GPC6: variants seen among roughly 807,000 people sequenced by gnomAD.
The protein encoded by GPC6 is glypican-6.
A neutral mutation model predicts 55.2 loss-of-function variants in GPC6; 14 were observed. That is an observed-to-expected ratio of 0.25 (90% CI 0.17 to 0.40). GPC6 has a LOEUF of 0.40. Ranked by LOEUF, GPC6 falls within the 10% of genes least tolerant of loss-of-function variation. The pLI is 1.00. For missense variants in GPC6, 641 were observed against 708.5 expected (o/e 0.90, Z 1.08); for synonymous variants, 278 against 259.6 (o/e 1.07, Z -0.68).
chr13:94,109,957 G>A (rs1886182495), intron 4 of GPC6, among the ~76,000 whole-genome samples: 1 of 150,572 alleles, frequency 6.6e-6, no homozygotes, highest in African/African-American at 2.4e-5. Context: ...TGGATATATT[G>A]GGACCTCTTT....
chr13:94,308,720 C>T (rs888740766), intron 6 of GPC6, among the ~76,000 whole-genome samples: 4 of 152,156 alleles, frequency 2.6e-5, no homozygotes, highest in East Asian at 1.9e-4. Flanking sequence ...GAATTAGTGA[C>T]GTGTAATGCA....
At chr13:93,856,136 G>A (rs543691685) in intron 3 of GPC6, among the ~76,000 whole-genome samples, 2 of 151,520 alleles carry the variant, frequency 1.3e-5, no homozygotes, top group African/African-American at 2.4e-5. Flanking sequence ...TTCTTGCACT[G>A]CCATCTCAGT....
intron 4 of GPC6, among the ~76,000 whole-genome samples, chr13:94,251,368 A>G (rs927449100): frequency 3.9e-5 from 6 of 151,904 alleles, no homozygotes; most frequent in Non-Finnish European, 8.8e-5. Context: ...CTTAAAACCT[A>G]GATGACGGGT....
intron 4 of GPC6, among the ~76,000 whole-genome samples, chr13:94,247,613 G>T (rs1354682405): frequency 1.3e-5 from 2 of 152,040 alleles, no homozygotes; most frequent in Non-Finnish European, 2.9e-5. Context: ...TGATCAAGTG[G>T]TTTTTGTCAT....
chr13:94,403,910 CCT>C lies in GPC6; in HGVS notation c.*696_*697del, dbSNP rs10606518. On this transcript the variant is annotated 3_prime_UTR_variant, in exon 9 of 9. Transcript: ENST00000377047. Reference sequence around the variant, plus strand: ...GAACACAAATTACTACAACTCAGTACCTCTGTCTTACTCTGCCCAATTTCAAT... The same window carrying C: ...GAACACAAATTACTACAACTCAGTACCTGTCTTACTCTGCCCAATTTCAAT... 0.019 allele frequency: 2,935 copies of C among 156,256 alleles called. 110 individuals carry two copies. The highest frequency in any genetic ancestry group is 0.068 in the African/African-American group (2,804 of 41,510). The allele number at this position is 156,256 out of a possible 1,614,324, so 9.7% of individuals were successfully genotyped here. A position where few individuals can be genotyped will look rare whatever the true frequency, so the allele number is the denominator to read the frequency against.
rs139546881 is a variant in GPC6, at chr13:93,603,969, G to A, written c.319+58548G>A. Among the ~76,000 whole-genome samples, 449 of 152,268 alleles carry A rather than the reference G, an allele frequency of 2.9e-3. 4 individuals are homozygous for A. Among genetic ancestry groups the A allele is most frequent in the African/African-American group, 0.01 (425 of 41,548 alleles). On this transcript the variant is annotated intron_variant, in intron 2 of 8. Coordinates refer to ENST00000377047, the MANE Select transcript of GPC6 (RefSeq NM_005708.5). Reference sequence around the variant, plus strand: ...GCAAAAAATCTGGAATAGAAAAATGGCAGGAGAATACAGACAAAATTCTTG... The same window carrying A: ...GCAAAAAATCTGGAATAGAAAAATGACAGGAGAATACAGACAAAATTCTTG...
chr13:93,569,725 TC>T (rs540137665), intron 2 of GPC6, among the ~76,000 whole-genome samples: 361 of 152,186 alleles, frequency 2.4e-3, no homozygotes, highest in African/African-American at 8.3e-3. Flanking sequence ...GAGAAAAATC[TC>T]TTTTATTTGT....
At chr13:93,694,805 A>G (rs1218081922) in intron 2 of GPC6, among the ~76,000 whole-genome samples, 1 of 152,070 alleles carries the variant, frequency 6.6e-6, no homozygotes, top group East Asian at 1.9e-4. Flanking sequence ...GACTTAACTA[A>G]CACTTGATAT....
chr13:93,295,109 CAAAAAAAAAAAA>C (rs71202577), intron 1 of GPC6, among the ~76,000 whole-genome samples: 1 of 61,828 alleles, frequency 1.6e-5, no homozygotes, highest in Non-Finnish European at 3.1e-5. Flanking sequence ...TCTGTCTCTG[CAAAAAAAAAAAA>C]AAAAAAAAAA....
chr13:93,774,271 A>C (rs1453772260), intron 2 of GPC6, among the ~76,000 whole-genome samples: 1 of 152,150 alleles, frequency 6.6e-6, no homozygotes, highest in Non-Finnish European at 1.5e-5. Flanking sequence ...AGAAGAGGGA[A>C]TCATTCACTG....
intron 4 of GPC6, among the ~76,000 whole-genome samples, chr13:94,049,323 G>A (rs747732390): frequency 6.6e-6 from 1 of 151,620 alleles, no homozygotes; most frequent in Non-Finnish European, 1.5e-5. Flanking sequence ...ACTGATCCTA[G>A]CAGTGTTCTC....
At chr13:94,379,258 AAT>A (rs762168551) in intron 6 of GPC6, among the ~76,000 whole-genome samples, 59 of 152,310 alleles carry the variant, frequency 3.9e-4, no homozygotes, top group Non-Finnish European at 6.5e-4. Flanking sequence ...TCCAGTGGCT[AAT>A]AGTGTCCATT....
intron 3 of GPC6, among the ~76,000 whole-genome samples, chr13:93,846,312 A>G (rs1438651991): frequency 2.0e-5 from 3 of 152,208 alleles, no homozygotes; most frequent in Non-Finnish European, 4.4e-5. Flanking sequence ...TAGCCCTTAC[A>G]TTAAACCTAT....
intron 2 of GPC6, among the ~76,000 whole-genome samples, chr13:93,810,942 A>G (rs1886678150): frequency 6.6e-6 from 1 of 152,208 alleles, no homozygotes; most frequent in Non-Finnish European, 1.5e-5. Context: ...ACCTGACTGC[A>G]TGGTCGTATT....
intron 4 of GPC6, among the ~76,000 whole-genome samples, chr13:94,246,111 A>G (rs1226573917): frequency 6.6e-6 from 1 of 152,084 alleles, no homozygotes; most frequent in African/African-American, 2.4e-5. Context: ...CCTGATGATT[A>G]GGGATCTTGT....
intron 2 of GPC6, among the ~76,000 whole-genome samples, chr13:93,800,846 T>C (rs1886346556): frequency 6.6e-6 from 1 of 152,218 alleles, no homozygotes; most frequent in African/African-American, 2.4e-5. Context: ...TATTCTAACA[T>C]TTCCCAATAT....
chr13:93,559,159 G>C (rs1193206651), intron 2 of GPC6, among the ~76,000 whole-genome samples: 1 of 152,130 alleles, frequency 6.6e-6, no homozygotes, highest in African/African-American at 2.4e-5. Context: ...ATCTGATTAT[G>C]AAAATGAACA....
chr13:93,735,002 A>G (rs1299824037), intron 2 of GPC6, among the ~76,000 whole-genome samples: 3 of 152,146 alleles, frequency 2.0e-5, no homozygotes, highest in Admixed American at 2.0e-4. Context: ...TTATAACTTA[A>G]GATTAATATA....
chr13:93,698,881 T>C (rs1882571075), intron 2 of GPC6, among the ~76,000 whole-genome samples: 1 of 151,978 alleles, frequency 6.6e-6, no homozygotes, highest in Non-Finnish European at 1.5e-5. Context: ...TATCTTGACT[T>C]GTAATTGGAG....
Sources: gnomAD v4.1 joint callset for allele counts (sites outside exome capture counted in the v4.1 genomes callset) on GRCh38, gnomAD v4.1.1 for gene constraint, MANE v1.5 for transcripts, NCBI Gene and HGNC (gene_info 2026-07-23, HGNC 2026-07-21) for gene names.